Variants in RNF157 observed in about 807,000 individuals in gnomAD.
The protein encoded by RNF157 is E3 ubiquitin ligase RNF157.
RNF157 carries 55 observed loss-of-function variants against 88.3 expected under a neutral mutation model. The observed-to-expected ratio is 0.62, with a 90% CI of 0.50 to 0.78. The LOEUF is 0.78. RNF157 is among the 30% of genes least tolerant of loss of function. The pLI is 0.00. For missense variants in RNF157, 788 were observed against 860.8 expected (o/e 0.92, Z 1.06); for synonymous variants, 334 against 341.2 (o/e 0.98, Z 0.23).
intron 2 of RNF157, among the ~76,000 whole-genome samples, chr17:76,203,294 A>G (rs1334715243): frequency 6.6e-6 from 1 of 152,174 alleles, no homozygotes; most frequent in East Asian, 1.9e-4. Flanking sequence ...TCCCGCCATC[A>G]TTTTTTGAGT....
chr17:76,217,964 T>C (rs2069918096), intron 1 of RNF157, among the ~76,000 whole-genome samples: 2 of 152,242 alleles, frequency 1.3e-5, no homozygotes. Context: ...TACATAGTTT[T>C]AGTTTTATAA....
At position 76,158,441 on chromosome 17, in the gene RNF157, C is replaced by T; in HGVS notation, c.1365G>A (p.Glu455=). ...GTCTCTGAGAGAGCTGTGTCTCCGA[C>T]TCGCTGCAGGAATGCTCATCTTCCT... The part of the protein sequence containing the change: ...HEEEDEHSCS[E]SETQLSQRPS... Residue 455 remains glutamate, a synonymous_variant, in exon 13 of 19, where the codon GAG becomes GAA. Transcript: ENST00000269391. 1.2e-6 allele frequency: 2 copies of T among 1,614,004 alleles called. No homozygotes were observed. Among genetic ancestry groups the T allele is most frequent in the Non-Finnish European group, 1.7e-6 (2 of 1,179,948 alleles).
At chr17:76,173,668 G>A (rs758391889) in intron 3 of RNF157, 34 bp downstream of exon 3, 11 of 1,525,804 alleles carry the variant, frequency 7.2e-6, no homozygotes, top group Non-Finnish European at 9.9e-6. Context: ...AAAGGAAGGT[G>A]CCTGGGACCT....
intron 3 of RNF157, among the ~76,000 whole-genome samples, chr17:76,171,104 G>A (rs905548548): frequency 6.6e-6 from 1 of 152,098 alleles, no homozygotes; most frequent in African/African-American, 2.4e-5. Context: ...GTGTTAGCCA[G>A]GATGGTCTCG....
chr17:76,226,097 G>A, intron 1 of RNF157: 1 of 1,601,396 alleles, frequency 6.2e-7, no homozygotes, highest in Non-Finnish European at 8.5e-7. Context: ...GCCCCTGGTA[G>A]AGGGGCTATG....
In RNF157 at chr17:76,156,336, G is replaced by GA. The variant is rs756439364; in HGVS notation, c.1414-16_1414-15insT. 2.5e-6 allele frequency: 4 copies of GA among 1,613,914 alleles called. No individual in the cohort carries two copies. Among genetic ancestry groups the GA allele is most frequent in the Non-Finnish European group, 3.4e-6 (4 of 1,179,950 alleles). On this transcript the variant is annotated splice_polypyrimidine_tract_variant and intron_variant, in intron 13 of 18. Transcript: ENST00000269391. ...ACACCACATTCCTGGGGGTTGTGGG[G>GA]GGACACAACAGGACATGGAGCAAGC... is the stretch of plus-strand genomic sequence containing the variant.
At chr17:76,169,443 A>G (rs1349538104) in intron 3 of RNF157, among the ~76,000 whole-genome samples, 2 of 151,770 alleles carry the variant, frequency 1.3e-5, no homozygotes, top group Non-Finnish European at 2.9e-5. Context: ...TTACTTTATT[A>G]TTATTTTATA....
intron 1 of RNF157, among the ~76,000 whole-genome samples, chr17:76,219,488 G>A (rs1347660151): frequency 6.6e-6 from 1 of 151,926 alleles, no homozygotes; most frequent in Non-Finnish European, 1.5e-5. Flanking sequence ...GCAATGTAAG[G>A]ATAAATCATA....
At chr17:76,158,540 C>T (rs762441817) in intron 12 of RNF157, 39 bp from the exon 13 acceptor site, 6 of 1,422,540 alleles carry the variant, frequency 4.2e-6, no homozygotes, top group African/African-American at 4.2e-5. Flanking sequence ...TATCCAACGT[C>T]CATTTAAAGA....
chr17:76,155,792 T>G, intron 14 of RNF157, 58 bp from the exon 15 acceptor site: 1 of 1,401,860 alleles, frequency 7.1e-7, no homozygotes, highest in Non-Finnish European at 9.5e-7. Context: ...TTCTGCAAGC[T>G]TTCTGGGGAG....
rs77310609 is a variant in RNF157 at position 76,222,767 on chromosome 17, T to C, written c.89-10285A>G. ...TCCACATCTCAACCCTGCACCTGTC[T>C]CTCCATCTGACAGTGGCAAAGAATA... On this transcript the variant is annotated intron_variant, in intron 1 of 18. Coordinates refer to ENST00000269391, the MANE Select transcript of RNF157 (RefSeq NM_052916.3). 3.4e-3 allele frequency among the ~76,000 whole-genome samples: 515 copies of C among 152,214 alleles called. 5 individuals carry two copies. Among genetic ancestry groups the C allele is most frequent in the African/African-American group, 0.012 (493 of 41,524 alleles).
chr17:76,210,102 G>A (rs2069756972), intron 2 of RNF157, among the ~76,000 whole-genome samples: 1 of 152,120 alleles, frequency 6.6e-6, no homozygotes, highest in Admixed American at 6.5e-5. Flanking sequence ...TGTGAGTGAG[G>A]CAACATTTTT....
At chr17:76,204,079 T>G (rs779264431) in intron 2 of RNF157, among the ~76,000 whole-genome samples, 8 of 152,218 alleles carry the variant, frequency 5.3e-5, no homozygotes, top group Non-Finnish European at 1.0e-4. Context: ...TAAAAACTTC[T>G]TAATACAATA....
chr17:76,177,027 T>C (rs113304440), intron 2 of RNF157, among the ~76,000 whole-genome samples: 33,285 of 152,042 alleles, frequency 0.22, 3,804 homozygotes, highest in African/African-American at 0.28. Context: ...GCAGATGGCC[T>C]GGCCCAGGCC....
At chr17:76,238,167 T>C (rs3859180) in intron 1 of RNF157, among the ~76,000 whole-genome samples, 45,942 of 151,838 alleles carry the variant, frequency 0.3, 7,574 homozygotes, top group East Asian at 0.47. Flanking sequence ...TCAGGACTAA[T>C]ACTGTAATCC....
intron 1 of RNF157, among the ~76,000 whole-genome samples, chr17:76,230,995 G>A (rs1437167650): frequency 6.7e-6 from 1 of 149,616 alleles, no homozygotes; most frequent in Non-Finnish European, 1.5e-5. Flanking sequence ...CTAGAGTGCA[G>A]TGACCAGATC....
rs2068537774 is a variant in RNF157 at position 76,143,081 on chromosome 17, C to A, written c.*2154G>T. 6.6e-6 allele frequency: 1 copy of A among 152,284 alleles called. No homozygotes were observed. 9.4% of individuals were successfully genotyped at this position (152,284 alleles called of 1,614,324 possible). On this transcript the variant is annotated 3_prime_UTR_variant, in exon 19 of 19. Coordinates refer to ENST00000269391, the MANE Select transcript of RNF157 (RefSeq NM_052916.3). Reference sequence around the variant, plus strand: ...CCTTGGATGGAGTATTTCTGTGGGCCAGAGAGCTAAATGACAGCCAAGAGA... The same window carrying A: ...CCTTGGATGGAGTATTTCTGTGGGCAAGAGAGCTAAATGACAGCCAAGAGA...
At chr17:76,224,037 G>C (rs1289318754) in intron 1 of RNF157, among the ~76,000 whole-genome samples, 1 of 152,136 alleles carries the variant, frequency 6.6e-6, no homozygotes, top group Non-Finnish European at 1.5e-5. Flanking sequence ...CAAGAACTCA[G>C]GGCAATGCAA....
chr17:76,214,733 C>T (rs575941838), intron 1 of RNF157, among the ~76,000 whole-genome samples: 77 of 152,250 alleles, frequency 5.1e-4, no homozygotes, highest in Middle Eastern at 3.4e-3. Context: ...CCTTCTTAAT[C>T]AGCCAGGAGG....
Sources: gnomAD v4.1 joint callset for allele counts (sites outside exome capture counted in the v4.1 genomes callset) on GRCh38, gnomAD v4.1.1 for gene constraint, MANE v1.5 for transcripts, NCBI Gene and HGNC (gene_info 2026-07-23, HGNC 2026-07-21) for gene names.